ZFYVE1: variants seen among roughly 807,000 people sequenced by gnomAD.
The protein encoded by ZFYVE1 is zinc finger FYVE domain-containing protein 1.
In ZFYVE1, 30 loss-of-function variants were observed where a neutral mutation model predicts 74.4. That is an observed-to-expected ratio of 0.40 (90% CI 0.30 to 0.55). The LOEUF is 0.55. Ranked by LOEUF, ZFYVE1 falls within the 20% of genes least tolerant of loss-of-function variation. ZFYVE1 has a pLI of 0.42. For synonymous variants in ZFYVE1, 335 were observed against 385.1 expected (o/e 0.87, Z 1.52); for missense variants, 703 against 1,011.6 (o/e 0.69, Z 4.14).
chr14:73,010,768 TAAAAAA>T (rs35771113), intron 2 of ZFYVE1, among the ~76,000 whole-genome samples: 3 of 59,010 alleles, frequency 5.1e-5, no homozygotes, highest in Admixed American at 4.5e-4. Flanking sequence ...AGACTCCATC[TAAAAAA>T]AAAAAAAAAA....
At chr14:72,977,072 A>G (rs1893190762) in intron 8 of ZFYVE1, among the ~76,000 whole-genome samples, 1 of 151,974 alleles carries the variant, frequency 6.6e-6, no homozygotes, top group South Asian at 2.1e-4. Flanking sequence ...ACTGCCTCAC[A>G]AACAGATTTG....
chr14:72,981,701 C>G, intron 5 of ZFYVE1, 88 bp downstream of exon 5: 1 of 1,222,490 alleles, frequency 8.2e-7, no homozygotes. Context: ...CCCAGGGGAT[C>G]TGCATCCACA....
rs1323978953 is a variant in ZFYVE1, at chr14:73,020,344, GTTTGTTTC to G, written c.483+3674_483+3681del. Among the ~76,000 whole-genome samples, 58 of 150,570 alleles carry G rather than the reference GTTTGTTTC, an allele frequency of 3.9e-4. 1 individual carries two copies. In the East Asian group the frequency reaches 8.4e-3, roughly 22 times the overall value. On this transcript the variant is annotated intron_variant, in intron 2 of 11. Transcript: ENST00000556143. Reference sequence around the variant, plus strand: ...AAAGGCATGCAGTTCACTGTTTTTTGTTTGTTTCTTTGTTTCTTTGTTTTTTCAGACAG... The same window carrying G: ...AAAGGCATGCAGTTCACTGTTTTTTGTTTGTTTCTTTGTTTTTTCAGACAG...
chr14:73,010,909 G>A (rs12050153), intron 2 of ZFYVE1, among the ~76,000 whole-genome samples: 20,390 of 150,954 alleles, frequency 0.14, 1,734 homozygotes, highest in South Asian at 0.24. Flanking sequence ...TGTGTGTTAC[G>A]TGGATACTGC....
chr14:73,011,344 G>C (rs1211376016), intron 2 of ZFYVE1, among the ~76,000 whole-genome samples: 1 of 151,732 alleles, frequency 6.6e-6, no homozygotes, highest in Non-Finnish European at 1.5e-5. Flanking sequence ...AAAATTAACC[G>C]GGAGTGGTGG....
chr14:73,023,953 G>T, intron 2 of ZFYVE1, 73 bp downstream of exon 2: 1 of 1,543,990 alleles, frequency 6.5e-7, no homozygotes, highest in Non-Finnish European at 8.7e-7. Flanking sequence ...CTTGGACATC[G>T]TTTTTTGAGA....
chr14:72,983,385 T>TC (rs370638041), intron 4 of ZFYVE1, among the ~76,000 whole-genome samples: 3 of 127,684 alleles, frequency 2.3e-5, no homozygotes, highest in Non-Finnish European at 4.8e-5. Flanking sequence ...TGTGTGATGT[T>TC]CCCCCCCTTC....
chr14:72,993,486 C>G, intron 3 of ZFYVE1, 129 bp from the exon 4 acceptor site: 1 of 724,910 alleles, frequency 1.4e-6, no homozygotes, highest in Non-Finnish European at 2.2e-6. Flanking sequence ...GTGGATCACC[C>G]GAGGTCAGGA....
chr14:73,015,797 A>C (rs921211738), intron 2 of ZFYVE1, among the ~76,000 whole-genome samples: 3 of 152,148 alleles, frequency 2.0e-5, no homozygotes, highest in African/African-American at 7.2e-5. Flanking sequence ...AAGCCACACG[A>C]TGGGTCTTCT....
At position 73,026,374 on chromosome 14, in the gene ZFYVE1, A is replaced by G. The variant is rs535011272; in HGVS notation, c.-435+552T>C. 5.0e-4 allele frequency among the ~76,000 whole-genome samples: 76 copies of G among 152,228 alleles called. No individual in the cohort carries two copies. The South Asian group carries it at 0.016, about 32-fold the overall frequency. ...GCATTCCAAGGCCCCGACAAGGTGT[A>G]AAGCCCTGCCTTTCTGATAGTCACT... On this transcript the variant is annotated intron_variant, in intron 1 of 11. Coordinates refer to ENST00000556143, the MANE Select transcript of ZFYVE1 (RefSeq NM_021260.4).
chr14:72,998,164 G>A lies in ZFYVE1; in HGVS notation c.635C>T (p.Pro212Leu), dbSNP rs762691500. 8 of 1,613,870 alleles carry A rather than the reference G, an allele frequency of 5.0e-6. No individual in the cohort carries two copies. In the African/African-American group the frequency reaches 6.7e-5, roughly 13 times the overall value. ...FYGREVFKTS[P>L]TQESCTVGVW... ...TCCCACAGTGCAGGACTCCTGGGTC[G>A]GGGAGGTTTTAAAGACTTCACGACC... is the stretch of plus-strand genomic sequence containing the variant. Residue 212 changes from proline to leucine, a missense_variant, in exon 3 of 12, where the codon CCG becomes CTG. This residue lies in a region of ZFYVE1 where 492 missense variants were observed against 790.0 expected (regional missense o/e 0.62). Coordinates refer to ENST00000556143, the MANE Select transcript of ZFYVE1 (RefSeq NM_021260.4).
intron 3 of ZFYVE1, among the ~76,000 whole-genome samples, chr14:72,994,322 CAAAAAAAA>C (rs71109776): frequency 3.1e-3 from 95 of 31,134 alleles, no homozygotes; most frequent in Non-Finnish European, 4.5e-3. Context: ...GACGCTGTCT[CAAAAAAAA>C]AAAAAAAAAA....
chr14:73,000,677 G>T (rs910757410), intron 2 of ZFYVE1, among the ~76,000 whole-genome samples: 7 of 151,606 alleles, frequency 4.6e-5, no homozygotes, highest in Non-Finnish European at 7.4e-5. Flanking sequence ...CACTTCTGGT[G>T]GGAACGTAAA....
rs1325522994 is a variant in ZFYVE1, at chr14:72,975,105, T to A, written c.1807-146A>T. On this transcript the variant is annotated intron_variant, in intron 9 of 11. Coordinates refer to ENST00000556143, the MANE Select transcript of ZFYVE1 (RefSeq NM_021260.4). The surrounding 1 kb of genome is among the most constrained non-coding windows in gnomAD (Gnocchi z 4.1). ...AGGACAAGAGCTTTCTAGTAACGCG[T>A]TATCTGAGAATGGAAAGGAAGCCTG... The A allele has an allele frequency of 2.4e-6, 2 of 825,454 alleles. No individual in the cohort carries two copies. Among genetic ancestry groups the A allele is most frequent in the African/African-American group, 1.7e-5 (1 of 57,926 alleles). 51.1% of individuals were successfully genotyped at this position (825,454 alleles called of 1,614,324 possible).
chr14:73,008,656 C>G (rs1894028891), intron 2 of ZFYVE1, among the ~76,000 whole-genome samples: 1 of 152,172 alleles, frequency 6.6e-6, no homozygotes, highest in Admixed American at 6.6e-5. Flanking sequence ...CCCCAAGCCC[C>G]ACCTCATCCT....
chr14:72,978,041 A>ATACC lies in ZFYVE1; in HGVS notation c.1518-1_1520dup (p.Tyr507Ter). On this transcript the variant is annotated stop_gained and frameshift_variant, in exon 8 of 12. Transcript: ENST00000556143. LOFTEE classifies it high-confidence loss of function. ...CGCCACAGTTAGGACATTCGATCACATACCTACAAGGAAAGCAAATCAATA... is the reference window on the plus strand; with the variant it reads ...CGCCACAGTTAGGACATTCGATCACATACCTACCTACAAGGAAAGCAAATCAATA... 6.2e-7 allele frequency: 1 copy of ATACC among 1,614,188 alleles called. No homozygotes were observed. The highest frequency in any genetic ancestry group is 8.5e-7 in the Non-Finnish European group (1 of 1,180,024).
At chr14:73,016,334 AC>A (rs1411716753) in intron 2 of ZFYVE1, among the ~76,000 whole-genome samples, 2 of 152,098 alleles carry the variant, frequency 1.3e-5, no homozygotes, top group African/African-American at 4.8e-5. Flanking sequence ...ACACGGTGAA[AC>A]CCCGTCTCTA....
At chr14:73,006,549 T>C (rs1277233937) in intron 2 of ZFYVE1, among the ~76,000 whole-genome samples, 1 of 151,444 alleles carries the variant, frequency 6.6e-6, no homozygotes, top group Non-Finnish European at 1.5e-5. Context: ...CTCTCCAGCC[T>C]GGCCAACAGA....
intron 3 of ZFYVE1, 94 bp downstream of exon 3, chr14:72,997,717 G>C (rs1431767281): frequency 2.1e-6 from 3 of 1,456,012 alleles, no homozygotes; most frequent in Non-Finnish European, 2.8e-6. Context: ...ATCTTTCTGG[G>C]CAATCCACTA....
Sources: gnomAD v4.1 joint callset for allele counts (sites outside exome capture counted in the v4.1 genomes callset) on GRCh38, gnomAD v4.1.1 for gene constraint, gnomAD v4.1.1 regional missense constraint, Gnocchi (gnomAD v3.1) non-coding constraint, MANE v1.5 for transcripts, NCBI Gene and HGNC (gene_info 2026-07-23, HGNC 2026-07-21) for gene names.